CERS6: variants seen among roughly 807,000 people sequenced by gnomAD.
The protein encoded by CERS6 is ceramide synthase 6.
Under a neutral mutation model 56.8 loss-of-function variants are expected in CERS6, and 26 were observed. The ratio of observed to expected loss-of-function variants is 0.46; its 90% CI spans 0.34 to 0.63. The LOEUF is 0.63. Among genes scored for constraint, CERS6 ranks in the 30% least tolerant of loss-of-function variants. The pLI, the probability that CERS6 is intolerant of heterozygous loss-of-function variation, is 0.01. For missense variants in CERS6, 415 were observed against 467.5 expected (o/e 0.89, Z 1.04); for synonymous variants, 164 against 173.3 (o/e 0.95, Z 0.42).
At chr2:168,747,830 C>G (rs1574216853) in intron 8 of CERS6, among the ~76,000 whole-genome samples, 1 of 75,836 alleles carries the variant, frequency 1.3e-5, no homozygotes, top group South Asian at 3.2e-4. Context: ...TACACACGCT[C>G]ACACATAAAC....
chr2:168,464,174 TTGTGTGTGTGTGTGTGTGTGTG>T (rs35372610), intron 1 of CERS6, among the ~76,000 whole-genome samples: 5 of 139,696 alleles, frequency 3.6e-5, no homozygotes, highest in Non-Finnish European at 7.7e-5. Flanking sequence ...TTTATACTTT[TTGTGTGTGTGTGTGTGTGTGTG>T]TGTGTGTGTG....
chr2:168,760,494 A>G (rs962689330), intron 8 of CERS6, among the ~76,000 whole-genome samples: 3 of 152,184 alleles, frequency 2.0e-5, no homozygotes, highest in Admixed American at 1.3e-4. Flanking sequence ...TCACAGACCC[A>G]GGATAAATAC....
At chr2:168,677,136 A>G (rs1380074883) in intron 4 of CERS6, among the ~76,000 whole-genome samples, 1 of 151,476 alleles carries the variant, frequency 6.6e-6, no homozygotes, top group African/African-American at 2.4e-5. Context: ...CATCATCTAC[A>G]TTAGGTATTT....
At chr2:168,464,174 T>TTGTG (rs35372610) in intron 1 of CERS6, among the ~76,000 whole-genome samples, 31,295 of 139,480 alleles carry the variant, frequency 0.22, 3,982 homozygotes, top group East Asian at 0.48. Context: ...TTTATACTTT[T>TTGTG]TGTGTGTGTG....
In CERS6 at chr2:168,747,000, G is replaced by A. The variant is rs142453166; in HGVS notation, c.846-18592G>A. Among the ~76,000 whole-genome samples the A allele has an allele frequency of 7.6e-3, 1,153 of 151,460 alleles. 6 individuals are homozygous for A. The highest frequency in any genetic ancestry group is 0.017 in the Middle Eastern group (5 of 294). On this transcript the variant is annotated intron_variant, in intron 8 of 9. Coordinates refer to ENST00000305747, the MANE Select transcript of CERS6 (RefSeq NM_203463.3). Reference sequence around the variant, plus strand: ...CATTTTGGCATATGTTCATTTAATCGCACTTTAAATCATGTTTTATACATA... The same window carrying A: ...CATTTTGGCATATGTTCATTTAATCACACTTTAAATCATGTTTTATACATA...
At chr2:168,487,678 C>T (rs1336674443) in intron 1 of CERS6, among the ~76,000 whole-genome samples, 1 of 151,954 alleles carries the variant, frequency 6.6e-6, no homozygotes, top group African/African-American at 2.4e-5. Context: ...ATGTGTTTTC[C>T]TTAGTATTCT....
At chr2:168,501,012 T>C (rs1242012588) in intron 1 of CERS6, among the ~76,000 whole-genome samples, 2 of 152,234 alleles carry the variant, frequency 1.3e-5, no homozygotes, top group African/African-American at 4.8e-5. Flanking sequence ...TTTCCCCATT[T>C]ACATAAGGCA....
intron 8 of CERS6, among the ~76,000 whole-genome samples, chr2:168,730,544 A>G (rs1035716711): frequency 3.3e-5 from 5 of 152,166 alleles, no homozygotes; most frequent in East Asian, 1.9e-4. Flanking sequence ...GAGTTCTGGC[A>G]TAAAGATTTT....
At chr2:168,739,402 A>T (rs1334849953) in intron 8 of CERS6, among the ~76,000 whole-genome samples, 1 of 152,168 alleles carries the variant, frequency 6.6e-6, no homozygotes, top group Non-Finnish European at 1.5e-5. Flanking sequence ...TACTCCGGGA[A>T]TAGAGTCTAA....
chr2:168,551,271 A>C (rs767180405), intron 2 of CERS6, among the ~76,000 whole-genome samples: 6 of 152,052 alleles, frequency 3.9e-5, no homozygotes, highest in Admixed American at 2.6e-4. Context: ...TTGAAGTAAC[A>C]CCTGTCTTCC....
intron 4 of CERS6, among the ~76,000 whole-genome samples, chr2:168,658,180 G>A (rs1222856212): frequency 1.3e-5 from 2 of 152,032 alleles, no homozygotes; most frequent in East Asian, 1.9e-4. Context: ...GAGCTTTATC[G>A]TTAAGGATTC....
Position 168,766,472 on chromosome 2 carries a change from A to T in CERS6, c.1002+724A>T, listed in dbSNP as rs926123472. 3 of 834,126 alleles carry T rather than the reference A, an allele frequency of 3.6e-6. No homozygotes were observed. In the Admixed American group the frequency reaches 5.6e-5, roughly 16 times the overall value. 51.7% of individuals were successfully genotyped at this position (834,126 alleles called of 1,614,324 possible). A position where few individuals can be genotyped will look rare whatever the true frequency, so the allele number is the denominator to read the frequency against. On this transcript the variant is annotated intron_variant, in intron 9 of 9. Coordinates refer to ENST00000305747, the MANE Select transcript of CERS6 (RefSeq NM_203463.3). ...CCTATTGGCACTGTCTAGAGGCTTC[A>T]TGTGAGCTGTAGCTCTGTGAACTGC...
At chr2:168,740,447 A>T (rs1408516888) in intron 8 of CERS6, among the ~76,000 whole-genome samples, 6 of 152,230 alleles carry the variant, frequency 3.9e-5, no homozygotes, top group Non-Finnish European at 2.9e-5. Context: ...AAAGGCACAC[A>T]TTTCAGTCCT....
At chr2:168,691,165 A>G (rs1686491923) in intron 5 of CERS6, 81 bp downstream of exon 5, 3 of 1,327,242 alleles carry the variant, frequency 2.3e-6, no homozygotes, top group Non-Finnish European at 3.3e-6. Context: ...GGCAGGCCCC[A>G]ACAGGTTGGA....
intron 1 of CERS6, among the ~76,000 whole-genome samples, chr2:168,532,017 AC>A (rs1233700449): frequency 6.6e-6 from 1 of 152,210 alleles, no homozygotes; most frequent in Non-Finnish European, 1.5e-5. Flanking sequence ...AAGCATAGTA[AC>A]TAGGGTTCAG....
intron 1 of CERS6, among the ~76,000 whole-genome samples, chr2:168,486,468 T>C (rs1694275862): frequency 6.6e-6 from 1 of 151,884 alleles, no homozygotes; most frequent in Admixed American, 6.6e-5. Context: ...ATTCTATGTT[T>C]GGATCTGTGA....
chr2:168,651,460 C>T (rs755629321), intron 4 of CERS6, among the ~76,000 whole-genome samples: 2 of 152,162 alleles, frequency 1.3e-5, no homozygotes, highest in Non-Finnish European at 2.9e-5. Context: ...AGTTCGTTTT[C>T]ATACTTGCTG....
chr2:168,490,853 G>A (rs953533392), intron 1 of CERS6, among the ~76,000 whole-genome samples: 1 of 152,092 alleles, frequency 6.6e-6, no homozygotes, highest in African/African-American at 2.4e-5. Context: ...TGTGTATAAT[G>A]TCAACAGACC....
intron 1 of CERS6, among the ~76,000 whole-genome samples, chr2:168,466,150 C>T (rs1025764413): frequency 3.3e-5 from 5 of 151,792 alleles, no homozygotes; most frequent in Admixed American, 1.3e-4. Flanking sequence ...TTAAGTATCC[C>T]GTTTTTTTAG....
Sources: allele counts gnomAD v4.1 joint callset (sites outside exome capture counted in the v4.1 genomes callset), GRCh38; gene constraint gnomAD v4.1.1; transcripts MANE v1.5; gene names NCBI Gene and HGNC (gene_info 2026-07-23, HGNC 2026-07-21).